The following RHPN2 variants were observed in gnomAD, a reference collection of about 807,000 sequenced individuals.
RHPN2 encodes the protein rhophilin Rho GTPase binding protein 2, also known as rhophilin-2.
A neutral mutation model predicts 79.0 loss-of-function variants in RHPN2; 40 were observed. The observed-to-expected ratio is 0.51, with a 90% CI of 0.39 to 0.66. The LOEUF (loss-of-function observed/expected upper bound fraction) is 0.66, where lower values mean the gene tolerates loss of function less well. RHPN2 is among the 30% of genes least tolerant of loss of function. The pLI is 0.00. For synonymous variants in RHPN2, 285 were observed against 363.5 expected (o/e 0.78, Z 2.46); for missense variants, 686 against 883.5 (o/e 0.78, Z 2.83).
intron 6 of RHPN2, 131 bp from the exon 7 acceptor site, chr19:33,008,311 G>A: frequency 1.1e-6 from 1 of 887,440 alleles, no homozygotes. Context: ...GAGTGCAGTG[G>A]TGTGATCATA....
intron 1 of RHPN2, among the ~76,000 whole-genome samples, chr19:33,050,373 T>A (rs1972176919): frequency 6.6e-6 from 1 of 152,224 alleles, no homozygotes; most frequent in South Asian, 2.1e-4. Flanking sequence ...CTTCTTTGTA[T>A]CTCAATTTTC....
intron 12 of RHPN2, among the ~76,000 whole-genome samples, chr19:32,992,389 C>T (rs1024538640): frequency 2.6e-5 from 4 of 152,052 alleles, no homozygotes; most frequent in African/African-American, 9.7e-5. Context: ...TGGGGTTTCA[C>T]CATGTTGGCC....
rs1020604062 is a variant in RHPN2 at position 32,979,401 on chromosome 19, T to C, written c.*595A>G. On this transcript the variant is annotated 3_prime_UTR_variant, in exon 15 of 15. Coordinates refer to ENST00000254260, the MANE Select transcript of RHPN2 (RefSeq NM_033103.5). ...AACTAGAAGAAAAGCTGCTCCTACATTGTTTTTATTTAATAAGACAAATTT... is the reference window on the plus strand; with the variant it reads ...AACTAGAAGAAAAGCTGCTCCTACACTGTTTTTATTTAATAAGACAAATTT... The C allele has an allele frequency of 1.3e-5, 2 of 153,196 alleles. No homozygotes were observed. The highest frequency in any genetic ancestry group is 2.9e-5 in the Non-Finnish European group (2 of 68,468). The allele number at this position is 153,196 out of a possible 1,614,324, so 9.5% of individuals were successfully genotyped here. A position where few individuals can be genotyped will look rare whatever the true frequency, so the allele number is the denominator to read the frequency against.
At chr19:32,984,805 A>G (rs1318899280) in intron 14 of RHPN2, among the ~76,000 whole-genome samples, 1 of 152,188 alleles carries the variant, frequency 6.6e-6, no homozygotes, top group African/African-American at 2.4e-5. Flanking sequence ...AATTAATAAA[A>G]GACAAAAGGA....
intron 13 of RHPN2, chr19:32,991,348 A>G: frequency 4.5e-6 from 1 of 221,748 alleles, no homozygotes; most frequent in Non-Finnish European, 9.1e-6. Context: ...AATCCCAGCT[A>G]CTCAGCAGCC....
chr19:33,063,758 G>GCAGAAGTCCGTAGTGTGA (rs1972301212), intron 1 of RHPN2, among the ~76,000 whole-genome samples: 1 of 151,204 alleles, frequency 6.6e-6, no homozygotes, highest in Non-Finnish European at 1.5e-5. Context: ...TTATCTTCTG[G>GCAGAAGTCCGTAGTGTGA]GCCCAAGAGC....
At chr19:32,980,946 T>G (rs1488110456) in intron 14 of RHPN2, among the ~76,000 whole-genome samples, 6 of 152,088 alleles carry the variant, frequency 3.9e-5, no homozygotes, top group Non-Finnish European at 4.4e-5. Context: ...CACGCCATTC[T>G]CCTGCCTCAG....
intron 5 of RHPN2, among the ~76,000 whole-genome samples, chr19:33,012,434 C>G (rs1971842721): frequency 3.3e-5 from 5 of 152,072 alleles, no homozygotes; most frequent in Non-Finnish European, 7.4e-5. Flanking sequence ...ACCTCCACAC[C>G]CCAAAGTGCT....
At chr19:32,990,700 G>A (rs771329097) in intron 13 of RHPN2, 31 bp from the exon 14 acceptor site, 15 of 1,613,362 alleles carry the variant, frequency 9.3e-6, no homozygotes, top group South Asian at 3.3e-5. Context: ...TTAAGTCAAC[G>A]TTTTGTTCAC....
chr19:33,010,681 C>A (rs1437770132), intron 6 of RHPN2, among the ~76,000 whole-genome samples: 2 of 150,652 alleles, frequency 1.3e-5, no homozygotes, highest in South Asian at 4.2e-4. Flanking sequence ...CCACGCCCAG[C>A]CTTTTTTTTT....
chr19:33,002,801 A>G lies in RHPN2; in HGVS notation c.948+12T>C, dbSNP rs1327277882. Reference sequence around the variant, plus strand: ...CCCACTCCCCAAAGTCACAGGAACCAGGGAGTCCTACCTTAGCAGCCTCCT... The same window carrying G: ...CCCACTCCCCAAAGTCACAGGAACCGGGGAGTCCTACCTTAGCAGCCTCCT... On this transcript the variant is annotated intron_variant, in intron 8 of 14. Coordinates refer to ENST00000254260, the MANE Select transcript of RHPN2 (RefSeq NM_033103.5). 3.1e-6 allele frequency: 5 copies of G among 1,613,282 alleles called. No homozygotes were observed. The South Asian group carries it at 5.5e-5, about 18-fold the overall frequency.
chr19:33,029,460 A>G (rs1458170984), intron 2 of RHPN2, among the ~76,000 whole-genome samples: 2 of 147,542 alleles, frequency 1.4e-5, no homozygotes, highest in African/African-American at 2.5e-5. Flanking sequence ...CAGGAGGCGG[A>G]GCTTGCAGTG....
chr19:33,009,595 C>T (rs910414988), intron 6 of RHPN2, among the ~76,000 whole-genome samples: 7 of 151,832 alleles, frequency 4.6e-5, no homozygotes, highest in East Asian at 1.9e-4. Context: ...GGACTACAGG[C>T]ATGCACCACC....
chr19:32,994,508 C>T (rs1599809361), intron 11 of RHPN2, among the ~76,000 whole-genome samples: 1 of 152,124 alleles, frequency 6.6e-6, no homozygotes, highest in Non-Finnish European at 1.5e-5. Context: ...GCTCAACCCC[C>T]GACCTAGGGT....
chr19:32,999,863 G>A (rs776292720), intron 9 of RHPN2, among the ~76,000 whole-genome samples, 158 bp from the exon 10 acceptor site: 18 of 152,056 alleles, frequency 1.2e-4, no homozygotes, highest in Non-Finnish European at 1.6e-4. Context: ...ACCCCAGGCC[G>A]TCTAACCCTC....
intron 1 of RHPN2, among the ~76,000 whole-genome samples, chr19:33,048,883 CAGG>C (rs1972165279): frequency 6.6e-6 from 1 of 152,078 alleles, no homozygotes; most frequent in Non-Finnish European, 1.5e-5. Context: ...TTTCATTTTA[CAGG>C]GAAGCTTGAA....
chr19:33,045,477 C>T (rs1305993030), intron 1 of RHPN2, among the ~76,000 whole-genome samples: 1 of 151,066 alleles, frequency 6.6e-6, no homozygotes, highest in Non-Finnish European at 1.5e-5. Flanking sequence ...TCAGTGCTAT[C>T]TGATTTTTTT....
intron 2 of RHPN2, among the ~76,000 whole-genome samples, chr19:33,035,603 G>A (rs897967051): frequency 2.6e-5 from 4 of 151,964 alleles, no homozygotes; most frequent in Non-Finnish European, 4.4e-5. Context: ...GTGTAGGTCA[G>A]AGGCGTTCGA....
chr19:33,041,116 G>C (rs868780793), intron 2 of RHPN2, among the ~76,000 whole-genome samples: 1 of 152,108 alleles, frequency 6.6e-6, no homozygotes, highest in Admixed American at 6.6e-5. Flanking sequence ...GCCTAGCCAC[G>C]ATACCCTCTG....
Sources: allele counts gnomAD v4.1 joint callset (sites outside exome capture counted in the v4.1 genomes callset), GRCh38; gene constraint gnomAD v4.1.1; transcripts MANE v1.5; gene names NCBI Gene and HGNC (gene_info 2026-07-23, HGNC 2026-07-21).